SETMAR: variants seen among roughly 807,000 people sequenced by gnomAD.
SETMAR encodes histone-lysine N-methyltransferase SETMAR.
In SETMAR, 44 loss-of-function variants were observed where a neutral mutation model predicts 58.4. The ratio of observed to expected loss-of-function variants is 0.75; its 90% confidence interval spans 0.59 to 0.97. The LOEUF (loss-of-function observed/expected upper bound fraction) is 0.97, where lower values mean the gene tolerates loss of function less well. SETMAR is among the 50% of genes least tolerant of loss of function. The probability of loss-of-function intolerance (pLI) is 0.00; values close to 1 mark genes in which losing one functional copy is unlikely to be tolerated. For missense variants in SETMAR, 903 were observed against 840.2 expected (o/e 1.07, Z -0.92); for synonymous variants, 332 against 307.4 (o/e 1.08, Z -0.84).
chr3:4,313,892 A>G (rs2125101365), intron 2 of SETMAR, 131 bp downstream of exon 2: 10 of 1,463,908 alleles, frequency 6.8e-6, no homozygotes, highest in Non-Finnish European at 8.2e-6. Flanking sequence ...GTCCATCAGT[A>G]TCCTTTCCCC....
Position 4,313,727 on chromosome 3 carries a change from C to CTG in SETMAR, c.990_991dup (p.Phe331CysfsTer8). On this transcript the variant is annotated frameshift_variant, in exon 2 of 3. Coordinates refer to ENST00000358065, the MANE Select transcript of SETMAR (RefSeq NM_006515.4). LOFTEE classifies it high-confidence loss of function. ...CCCAGCATGTGTGGCTCAGCCCCTTCTGTGTTCCCCTCCTGCAAGCGATTG... is the reference window on the plus strand; with the variant it reads ...CCCAGCATGTGTGGCTCAGCCCCTTCTGTGTGTTCCCCTCCTGCAAGCGATTG... 6.2e-7 allele frequency: 1 copy of CTG among 1,614,052 alleles called. No individual in the cohort carries two copies. The highest frequency in any genetic ancestry group is 1.7e-5 in the Admixed American group (1 of 59,994).
chr3:4,310,206 A>T (rs572900533), intron 1 of SETMAR, among the ~76,000 whole-genome samples: 5 of 152,374 alleles, frequency 3.3e-5, no homozygotes, highest in South Asian at 4.1e-4. Context: ...CTCGAAGTTT[A>T]ACCGCGTGGC....
At position 4,316,447 on chromosome 3, in the gene SETMAR, C is replaced by T. The variant is rs1348094739; in HGVS notation, c.1256C>T (p.Ala419Val). The T allele has an allele frequency of 1.2e-6, 2 of 1,601,282 alleles. No homozygotes were observed. The highest frequency in any genetic ancestry group is 1.3e-5 in the African/African-American group (1 of 74,738). Residue 419 changes from alanine to valine, a missense_variant, in exon 3 of 3, where the codon GCA (alanine) becomes GTA (valine). By Grantham distance (64) the Ala-to-Val change is moderately conservative. Transcript: ENST00000358065. ...GAAGTTGACAACGACCAGTTGAGAGCAATCATCGAAGCTGATCCCCTTACA... is the reference window on the plus strand; with the variant it reads ...GAAGTTGACAACGACCAGTTGAGAGTAATCATCGAAGCTGATCCCCTTACA... ...PSEVDNDQLR[A>V]IIEADPLTTT...
chr3:4,303,401 C>T lies in SETMAR; in HGVS notation c.31C>T (p.Pro11Ser), dbSNP rs774495639. The stretch of plus-strand genomic sequence containing the variant: ...CGCGGAAGCGGCAAAGACGACACGG[C>T]CTTGTGGGATGGCGGAGTTTAAGGA... MFAEAAKTTR[P>S]CGMAEFKEKP... The change falls in exon 1 of 3, where the codon CCT (proline) becomes TCT (serine). Residue 11 changes from proline to serine, a missense_variant. Pro to Ser is a moderately conservative substitution (Grantham distance 74, BLOSUM62 -1). Coordinates refer to ENST00000358065, the MANE Select transcript of SETMAR (RefSeq NM_006515.4). 8 of 1,558,768 alleles carry T rather than the reference C, an allele frequency of 5.1e-6. No homozygotes were observed. The African/African-American group carries it at 7.1e-5, about 14-fold the overall frequency.
chr3:4,306,153 T>TGC (rs550586679), intron 1 of SETMAR, among the ~76,000 whole-genome samples: 179 of 152,352 alleles, frequency 1.2e-3, no homozygotes, highest in South Asian at 2.3e-3. Flanking sequence ...CGTGTGTGTG[T>TGC]GCGTTTGAGA....
intron 1 of SETMAR, among the ~76,000 whole-genome samples, chr3:4,306,732 C>T (rs930177324): frequency 6.6e-6 from 1 of 152,234 alleles, no homozygotes; most frequent in African/African-American, 2.4e-5. Context: ...TTGCTCCAAA[C>T]CCTGCCTTCA....
chr3:4,303,802 C>G, intron 1 of SETMAR: 1 of 1,404,008 alleles, frequency 7.1e-7, no homozygotes, highest in Non-Finnish European at 9.5e-7. Context: ...CCAGTCCTGT[C>G]CTCAGAACTC....
chr3:4,304,895 G>C (rs1442646804), intron 1 of SETMAR, among the ~76,000 whole-genome samples: 1 of 151,974 alleles, frequency 6.6e-6, no homozygotes, highest in Non-Finnish European at 1.5e-5. Context: ...ATACATGTTT[G>C]GGAGAGAGGA....
chr3:4,307,806 G>A (rs1470979850), intron 1 of SETMAR, among the ~76,000 whole-genome samples: 3 of 152,164 alleles, frequency 2.0e-5, no homozygotes, highest in Non-Finnish European at 4.4e-5. Context: ...GGAGGCCAAG[G>A]CGGGAGAATC....
intron 2 of SETMAR, chr3:4,314,481 A>G (rs1429184600): frequency 6.6e-6 from 1 of 152,216 alleles, no homozygotes; most frequent in Non-Finnish European, 1.5e-5. Flanking sequence ...TAAAACCCTA[A>G]TAAGTACTAC....
rs1425896210 is a variant in SETMAR at position 4,313,392 on chromosome 3, T to C, written c.651T>C (p.Asn217=). 3 of 1,613,752 alleles carry C rather than the reference T, an allele frequency of 1.9e-6. No homozygotes were observed. Among genetic ancestry groups the C allele is most frequent in the Non-Finnish European group, 2.5e-6 (3 of 1,179,860 alleles). Residue 217 remains asparagine, a synonymous_variant, in exon 2 of 3, where the codon AAT becomes AAC. Coordinates refer to ENST00000358065, the MANE Select transcript of SETMAR (RefSeq NM_006515.4). ...ETFVDPTYIG[N]IGRFLNHSCE... The stretch of plus-strand genomic sequence containing the variant: ...TTGTTGACCCTACTTATATAGGAAA[T>C]ATTGGAAGATTCCTTAATCATTCTT...
rs189207238 is a variant in SETMAR, at chr3:4,316,906, G to A, written c.1715G>A (p.Arg572His). ...EIDEMNQKLQ[R>H]LQLALVNRKG... ...GATGAGATGAACCAAAAACTGCAAC[G>A]CCTGCAGCTGGCATTGGTCAACAGA... is the stretch of plus-strand genomic sequence containing the variant. The change falls in exon 3 of 3, where the codon CGC becomes CAC. Residue 572 changes from arginine to histidine, a missense_variant. Arg to His is a conservative substitution (Grantham distance 29). Transcript: ENST00000358065. The A allele has an allele frequency of 7.1e-6, 11 of 1,549,378 alleles. No homozygotes were observed. Among genetic ancestry groups the A allele is most frequent in the Admixed American group, 5.9e-5 (3 of 50,982 alleles).
At position 4,313,222 on chromosome 3, in the gene SETMAR, A is replaced by G; in HGVS notation, c.481A>G (p.Lys161Glu). ...ACTTCGTACCTTGGAATTTATACCG[A>G]AAGGAAGGTTTGTCTGTGAATATGC... ...WGLRTLEFIP[K>E]GRFVCEYAGE... Residue 161 changes from lysine to glutamate, a missense_variant, in exon 2 of 3, where the codon AAA becomes GAA. Lys to Glu is a moderately conservative substitution (Grantham distance 56). Coordinates refer to ENST00000358065, the MANE Select transcript of SETMAR (RefSeq NM_006515.4). 3.1e-6 allele frequency: 5 copies of G among 1,613,982 alleles called. No individual in the cohort carries two copies. The highest frequency in any genetic ancestry group is 4.2e-6 in the Non-Finnish European group (5 of 1,179,986).
chr3:4,303,871 A>G (rs1366541424), intron 1 of SETMAR: 2 of 1,295,902 alleles, frequency 1.5e-6, no homozygotes, highest in Non-Finnish European at 1.0e-6. Context: ...TCTCACAGGT[A>G]GGATAAGCCG....
In SETMAR at chr3:4,304,758, G is replaced by C. The variant is rs564093977; in HGVS notation, c.156+1232G>C. ...CAGCTTTCAAAGATGTCAAGGAAAA[G>C]AATCAAACTCTAAAATATTTGAAGA... On this transcript the variant is annotated intron_variant, in intron 1 of 2. Coordinates refer to ENST00000358065, the MANE Select transcript of SETMAR (RefSeq NM_006515.4). 4.6e-5 allele frequency among the ~76,000 whole-genome samples: 7 copies of C among 152,280 alleles called. No homozygotes were observed. The South Asian group carries it at 1.4e-3, about 32-fold the overall frequency.
chr3:4,304,534 G>C (rs1045578819), intron 1 of SETMAR, among the ~76,000 whole-genome samples: 1 of 152,224 alleles, frequency 6.6e-6, no homozygotes, highest in African/African-American at 2.4e-5. Flanking sequence ...AGCGCTGGAC[G>C]TGGAAGTTGG....
intron 1 of SETMAR, among the ~76,000 whole-genome samples, 195 bp from the exon 2 acceptor site, chr3:4,312,703 T>TAAAAA (rs375529794): frequency 1.9e-4 from 26 of 135,898 alleles, no homozygotes; most frequent in African/African-American, 6.3e-4. Context: ...CCCTGTCTCT[T>TAAAAA]AAAAAAAAAA....
intron 1 of SETMAR, among the ~76,000 whole-genome samples, chr3:4,308,631 A>G (rs1387547234): frequency 1.3e-5 from 2 of 152,138 alleles, no homozygotes; most frequent in African/African-American, 2.4e-5. Flanking sequence ...CAGAATCACA[A>G]TGCTAATAAG....
Position 4,303,379 on chromosome 3 carries a change from G to T in SETMAR, c.9G>T (p.Ala3=). The T allele has an allele frequency of 6.4e-7, 1 of 1,550,686 alleles. No homozygotes were observed. The highest frequency in any genetic ancestry group is 8.7e-7 in the Non-Finnish European group (1 of 1,152,450). The change falls in exon 1 of 3, where the codon GCG becomes GCT. Residue 3 remains alanine (A), a synonymous_variant. Transcript: ENST00000358065. MF[A]EAAKTTRPCG... is the part of the protein sequence containing the mutation. ...TTGCGTGAGGCGGGTAAATGTTCGC[G>T]GAAGCGGCAAAGACGACACGGCCTT...
Sources: allele counts gnomAD v4.1 joint callset (sites outside exome capture counted in the v4.1 genomes callset), GRCh38; gene constraint gnomAD v4.1.1; transcripts MANE v1.5; gene names NCBI Gene and HGNC (gene_info 2026-07-23, HGNC 2026-07-21).